The following RAD21L1 variants were observed in gnomAD, a reference collection of about 807,000 sequenced individuals.
RAD21L1 encodes the protein double-strand-break repair protein rad21-like protein 1.
Under a neutral mutation model 69.0 loss-of-function variants are expected in RAD21L1, and 47 were observed. The ratio of observed to expected loss-of-function variants is 0.68; its 90% confidence interval spans 0.54 to 0.87. The LOEUF (loss-of-function observed/expected upper bound fraction) is 0.87. Among genes scored for constraint, RAD21L1 ranks in the 40% least tolerant of loss-of-function variants. The pLI is 0.00. For missense variants in RAD21L1, 583 were observed against 647.6 expected (o/e 0.90, Z 1.08); for synonymous variants, 177 against 205.8 (o/e 0.86, Z 1.20).
chr20:1,247,768 A>G (rs2087744688), intron 12 of RAD21L1, among the ~76,000 whole-genome samples: 1 of 152,104 alleles, frequency 6.6e-6, no homozygotes, highest in South Asian at 2.1e-4. Flanking sequence ...GGGCTCCTAT[A>G]CATGAAGGCT....
intron 13 of RAD21L1, among the ~76,000 whole-genome samples, 151 bp downstream of exon 13, chr20:1,248,854 C>T (rs947446797): frequency 1.3e-5 from 2 of 151,912 alleles, no homozygotes; most frequent in African/African-American, 4.8e-5. Flanking sequence ...CAGTAGTATA[C>T]CCAGGGCTAA....
intron 5 of RAD21L1, 80 bp downstream of exon 5, chr20:1,234,271 C>T (rs1055549005): frequency 2.7e-5 from 19 of 692,970 alleles, no homozygotes; most frequent in Non-Finnish European, 3.8e-5. Flanking sequence ...TGCCAGTAGA[C>T]GTAGCTATAG....
At chr20:1,230,441 C>A in intron 3 of RAD21L1, 1 of 545,884 alleles carries the variant, frequency 1.8e-6, no homozygotes, top group Non-Finnish European at 2.3e-6. Context: ...TCAAAAATTC[C>A]TAAGCATTCC....
intron 2 of RAD21L1, among the ~76,000 whole-genome samples, chr20:1,228,995 T>C (rs2087327538): frequency 6.6e-6 from 1 of 152,216 alleles, no homozygotes; most frequent in Non-Finnish European, 1.5e-5. Context: ...AACAGTAAAG[T>C]ACTATGTTCA....
chr20:1,229,138 G>T lies in RAD21L1; in HGVS notation c.144+541G>T, dbSNP rs936253798. Among the ~76,000 whole-genome samples the T allele has an allele frequency of 4.6e-5, 7 of 152,198 alleles. No homozygotes were observed. The East Asian group carries it at 7.7e-4, about 17-fold the overall frequency. On this transcript the variant is annotated intron_variant, in intron 2 of 13. Transcript: ENST00000683101. ...TGTTAGGCACTGGGCTGGACTTTAT[G>T]CCTATAAGTCTATTTAATCTTTACA...
intron 9 of RAD21L1, 113 bp downstream of exon 9, chr20:1,242,958 A>G: frequency 2.2e-6 from 2 of 907,816 alleles, no homozygotes; most frequent in Non-Finnish European, 3.4e-6. Context: ...ACTTGCGAAG[A>G]AGTACTTCCT....
intron 4 of RAD21L1, 109 bp downstream of exon 4, chr20:1,231,728 A>G: frequency 1.6e-6 from 1 of 613,080 alleles, no homozygotes; most frequent in Non-Finnish European, 2.9e-6. Flanking sequence ...ACAAGTACAG[A>G]TGTAATTGAT....
At chr20:1,243,576 A>G (rs1280366998) in intron 10 of RAD21L1, among the ~76,000 whole-genome samples, 1 of 152,244 alleles carries the variant, frequency 6.6e-6, no homozygotes, top group Admixed American at 6.5e-5. Context: ...GGATAAGAAC[A>G]GCACTTAATA....
At chr20:1,237,606 C>T (rs2087526779) in intron 5 of RAD21L1, among the ~76,000 whole-genome samples, 1 of 150,498 alleles carries the variant, frequency 6.6e-6, no homozygotes, top group Admixed American at 6.6e-5. Flanking sequence ...AATATTTTAC[C>T]TACGTTTCCA....
chr20:1,228,026 A>G (rs1326011720), intron 1 of RAD21L1, among the ~76,000 whole-genome samples: 1 of 152,164 alleles, frequency 6.6e-6, no homozygotes, highest in Non-Finnish European at 1.5e-5. Flanking sequence ...GGTGCCCTGT[A>G]TTAGCTTTTC....
chr20:1,230,281 G>C (rs1009251254), intron 3 of RAD21L1, among the ~76,000 whole-genome samples: 18 of 152,130 alleles, frequency 1.2e-4, no homozygotes, highest in Admixed American at 8.5e-4. Flanking sequence ...AAGAAACTCT[G>C]ATATTCTGTT....
intron 5 of RAD21L1, among the ~76,000 whole-genome samples, chr20:1,236,618 C>A (rs203532): frequency 0.012 from 1,832 of 152,272 alleles, 36 homozygotes; most frequent in African/African-American, 0.043. Flanking sequence ...TGACACTGGG[C>A]AGATTGCCTA....
intron 3 of RAD21L1, chr20:1,230,874 A>G (rs1406367213): frequency 1.7e-5 from 4 of 233,890 alleles, no homozygotes; most frequent in African/African-American, 9.3e-5. Flanking sequence ...GCTCTGGGAT[A>G]TAAAGACAAA....
chr20:1,244,287 G>A (rs1427253325), intron 11 of RAD21L1, 117 bp downstream of exon 11: 1 of 746,124 alleles, frequency 1.3e-6, no homozygotes, highest in Non-Finnish European at 2.0e-6. Context: ...ATTTTAAATT[G>A]TTTTGCAATT....
chr20:1,237,372 T>G (rs1320267529), intron 5 of RAD21L1, among the ~76,000 whole-genome samples: 1 of 152,230 alleles, frequency 6.6e-6, no homozygotes, highest in African/African-American at 2.4e-5. Flanking sequence ...TCATTTATTA[T>G]AGTGTGACTG....
chr20:1,240,433 A>G lies in RAD21L1; in HGVS notation c.855A>G (p.Ser285=), dbSNP rs1457211780. 1 of 1,536,642 alleles carries G rather than the reference A, an allele frequency of 6.5e-7. No individual in the cohort carries two copies. The highest frequency in any genetic ancestry group is 1.3e-5 in the South Asian group (1 of 79,940). Residue 285 remains serine (S), a splice_region_variant and synonymous_variant, in exon 8 of 14, where the codon TCA becomes TCG. Coordinates refer to ENST00000683101, the MANE Select transcript of RAD21L1 (RefSeq NM_001384355.1). ...EGFTLDPIDI[S]DIAEKRKGKK... ...TTACCCTTGATCCAATTGATATTTC[A>G]GGTCAGAGGCATTTACGGTTTTGTT... is the stretch of plus-strand genomic sequence containing the variant.
At chr20:1,228,625 G>A (rs1255285756) in intron 2 of RAD21L1, 28 bp downstream of exon 2, 14 of 1,430,264 alleles carry the variant, frequency 9.8e-6, no homozygotes, top group Admixed American at 2.6e-5. Context: ...ATGATAGCTT[G>A]TATTTATCAT....
intron 12 of RAD21L1, among the ~76,000 whole-genome samples, chr20:1,247,758 G>A (rs978128549): frequency 2.0e-5 from 3 of 152,032 alleles, no homozygotes; most frequent in Admixed American, 6.6e-5. Flanking sequence ...GGAAGTGTCT[G>A]GGCTCCTATA....
At chr20:1,248,158 G>A (rs1335685292) in intron 12 of RAD21L1, among the ~76,000 whole-genome samples, 2 of 148,998 alleles carry the variant, frequency 1.3e-5, no homozygotes, top group Non-Finnish European at 3.0e-5. Context: ...TAACCCAATT[G>A]TACACAAACT....
Sources: allele counts gnomAD v4.1 joint callset (sites outside exome capture counted in the v4.1 genomes callset), GRCh38; gene constraint gnomAD v4.1.1; transcripts MANE v1.5; gene names NCBI Gene and HGNC (gene_info 2026-07-23, HGNC 2026-07-21).